The following TACC2 variants were observed in gnomAD, a reference collection of about 807,000 sequenced individuals.
TACC2 encodes transforming acidic coiled-coil-containing protein 2.
In TACC2, 137 loss-of-function variants were observed where a neutral mutation model predicts 227.3. That is an observed-to-expected ratio of 0.60 (90% CI 0.52 to 0.69). The LOEUF (loss-of-function observed/expected upper bound fraction) is 0.69, where lower values mean the gene tolerates loss of function less well. TACC2 is among the 30% of genes least tolerant of loss of function. The pLI, the probability that TACC2 is intolerant of heterozygous loss-of-function variation, is 0.00. For missense variants in TACC2, 3,470 were observed against 3,694.4 expected (o/e 0.94, Z 1.57); for synonymous variants, 1,523 against 1,487.5 (o/e 1.02, Z -0.55).
At chr10:121,990,911 C>T (rs1285314986) in intron 1 of TACC2, among the ~76,000 whole-genome samples, 1 of 152,162 alleles carries the variant, frequency 6.6e-6, no homozygotes, top group Non-Finnish European at 1.5e-5. Context: ...CCTCAGCCCC[C>T]TGAGTAGCTG....
chr10:122,050,621 C>T lies in TACC2; in HGVS notation c.146+71C>T. On this transcript the variant is annotated intron_variant, in intron 3 of 22. Transcript: ENST00000369005. This position sits in a 1 kb window ranked among gnomAD's most constrained non-coding sequence, Gnocchi z 4.6. ...CGCTCATTGCCTGCTCCAGCATTAG[C>T]TTTGCCCCATTTGCTTTGGAAACTG... 4 of 1,275,016 alleles carry T rather than the reference C, an allele frequency of 3.1e-6. No individual in the cohort carries two copies. Among genetic ancestry groups the T allele is most frequent in the Non-Finnish European group, 4.5e-6 (4 of 887,734 alleles). 79.0% of individuals were successfully genotyped at this position (1,275,016 alleles called of 1,614,324 possible).
intron 5 of TACC2, among the ~76,000 whole-genome samples, chr10:122,091,068 C>T (rs2080759464): frequency 6.6e-6 from 1 of 152,134 alleles, no homozygotes; most frequent in Admixed American, 6.5e-5. Flanking sequence ...GCTGAAATTG[C>T]ATGACTGATT....
rs80151018 is a variant in TACC2 at position 122,235,620 on chromosome 10, G to A, written c.8128-1775G>A. Among the ~76,000 whole-genome samples, 1,690 of 152,150 alleles carry A rather than the reference G, an allele frequency of 0.011. 109 individuals are homozygous for A. In the East Asian group the frequency reaches 0.2, roughly 18 times the overall value. Reference sequence around the variant, plus strand: ...GTCTTGATCTCTGTGTCATTTTTCAGCTACTTCCTGAGAAGTTCCCCCATG... The same window carrying A: ...GTCTTGATCTCTGTGTCATTTTTCAACTACTTCCTGAGAAGTTCCCCCATG... On this transcript the variant is annotated intron_variant, in intron 16 of 22. Transcript: ENST00000369005.
chr10:122,112,915 C>A (rs937426344), intron 5 of TACC2: 2 of 152,012 alleles, frequency 1.3e-5, no homozygotes, highest in Non-Finnish European at 2.9e-5. Context: ...GCGCGGCGGG[C>A]GCCCTGCGCG....
Position 122,094,419 on chromosome 10 carries a change from C to T in TACC2, c.5573+5828C>T, listed in dbSNP as rs563585936. On this transcript the variant is annotated intron_variant, in intron 5 of 22. Coordinates refer to ENST00000369005, the MANE Select transcript of TACC2 (RefSeq NM_206862.4). ...CGTGCCTCCCAAGTAGCTGAGACTG[C>T]AGGTGCGCGCCACTACACCTAGCTA... 2.6e-5 allele frequency among the ~76,000 whole-genome samples: 4 copies of T among 152,250 alleles called. No homozygotes were observed. In the South Asian group the frequency reaches 8.3e-4, roughly 32 times the overall value.
intron 5 of TACC2, among the ~76,000 whole-genome samples, chr10:122,128,312 G>A (rs1006610955): frequency 1.3e-5 from 2 of 152,196 alleles, no homozygotes; most frequent in African/African-American, 2.4e-5. Flanking sequence ...CATAGTTGCC[G>A]AGGACGGCTG....
At chr10:122,044,986 C>T (rs1474678488) in intron 2 of TACC2, among the ~76,000 whole-genome samples, 1 of 152,088 alleles carries the variant, frequency 6.6e-6, no homozygotes, top group Non-Finnish European at 1.5e-5. Flanking sequence ...CCTGCTGACA[C>T]ACAGGTCCTT....
At chr10:121,995,640 T>C (rs968103231) in intron 1 of TACC2, among the ~76,000 whole-genome samples, 1 of 152,186 alleles carries the variant, frequency 6.6e-6, no homozygotes, top group Non-Finnish European at 1.5e-5. Flanking sequence ...GGCTTGGCAC[T>C]AGCACCCACT....
intron 5 of TACC2, among the ~76,000 whole-genome samples, chr10:122,101,048 G>C (rs2082081380): frequency 6.6e-6 from 1 of 152,194 alleles, no homozygotes; most frequent in Non-Finnish European, 1.5e-5. Context: ...TCTGTAGCCT[G>C]ACAATAATTT....
At chr10:122,114,610 C>T (rs1417365786) in intron 5 of TACC2, among the ~76,000 whole-genome samples, 7 of 152,142 alleles carry the variant, frequency 4.6e-5, no homozygotes, top group Non-Finnish European at 1.0e-4. Flanking sequence ...GGAAGGAAAT[C>T]GGAGCAGCAA....
At chr10:122,040,028 A>T (rs1255895209) in intron 2 of TACC2, among the ~76,000 whole-genome samples, 1 of 151,844 alleles carries the variant, frequency 6.6e-6, no homozygotes, top group African/African-American at 2.4e-5. Flanking sequence ...CCTAGTTGTT[A>T]CCCTTGCTCC....
chr10:122,169,998 G>A (rs541318745), intron 7 of TACC2, among the ~76,000 whole-genome samples: 1 of 152,150 alleles, frequency 6.6e-6, no homozygotes, highest in African/African-American at 2.4e-5. Context: ...TGATTCTCCC[G>A]CCTTGGCCTC....
chr10:122,075,363 T>C (rs1320832159), intron 3 of TACC2, among the ~76,000 whole-genome samples: 2 of 151,998 alleles, frequency 1.3e-5, no homozygotes, highest in African/African-American at 4.8e-5. Flanking sequence ...CCCAGGGAGC[T>C]CGTCACGTGG....
rs868130401 is a variant in TACC2 at position 122,084,168 on chromosome 10, T to C, written c.1668T>C (p.His556=). 1.2e-6 allele frequency: 2 copies of C among 1,613,896 alleles called. No homozygotes were observed. The highest frequency in any genetic ancestry group is 1.6e-4 in the Middle Eastern group (1 of 6,062). The part of the protein sequence containing the change: ...PPGPTDGAKV[H]EDSTSPAVAK... ...GGCCAACGGATGGAGCCAAGGTCCA[T>C]GAAGATTCCACAAGCCCAGCCGTGG... The change falls in exon 4 of 23, where the codon CAT becomes CAC. Residue 556 remains histidine (H), a synonymous_variant. Coordinates refer to ENST00000369005, the MANE Select transcript of TACC2 (RefSeq NM_206862.4).
Position 122,211,471 on chromosome 10 carries a change from C to A in TACC2, c.7046C>A (p.Pro2349His). Residue 2349 changes from proline to histidine, a missense_variant, in exon 9 of 23, where the codon CCT becomes CAT. Coordinates refer to ENST00000369005, the MANE Select transcript of TACC2 (RefSeq NM_206862.4). ...IDKWDDPNFN[P>H]FSSTSKMQES... is the part of the protein sequence containing the mutation. ...AAGTGGGATGACCCCAATTTTAACCCTTTTTCTTCCACCTCAAAAATGCAG... is the reference window on the plus strand; with the variant it reads ...AAGTGGGATGACCCCAATTTTAACCATTTTTCTTCCACCTCAAAAATGCAG... 5.0e-6 allele frequency: 8 copies of A among 1,614,062 alleles called. No individual in the cohort carries two copies. Among genetic ancestry groups the A allele is most frequent in the South Asian group, 1.1e-5 (1 of 91,052 alleles).
intron 5 of TACC2, among the ~76,000 whole-genome samples, chr10:122,089,783 C>T (rs1281378168): frequency 2.0e-5 from 3 of 151,834 alleles, no homozygotes; most frequent in South Asian, 4.1e-4. Context: ...AAAGAATGCA[C>T]GATCACCTGT....
At chr10:122,121,643 G>A (rs901034153) in intron 5 of TACC2, among the ~76,000 whole-genome samples, 1 of 152,202 alleles carries the variant, frequency 6.6e-6, no homozygotes, top group African/African-American at 2.4e-5. Context: ...TAATTGAAAC[G>A]GGCAAATGTG....
intron 7 of TACC2, among the ~76,000 whole-genome samples, chr10:122,161,888 C>T (rs545529757): frequency 6.6e-6 from 1 of 152,330 alleles, no homozygotes; most frequent in African/African-American, 2.4e-5. Context: ...GGGCCCTCAC[C>T]TGCATATGGA....
intron 22 of TACC2, among the ~76,000 whole-genome samples, chr10:122,252,772 C>A (rs553827973): frequency 1.3e-5 from 2 of 152,174 alleles, no homozygotes; most frequent in South Asian, 4.2e-4. Context: ...GGATTGCAGG[C>A]GTGAGCCACC....
Sources: allele counts gnomAD v4.1 joint callset (sites outside exome capture counted in the v4.1 genomes callset), GRCh38; gene constraint gnomAD v4.1.1; non-coding constraint Gnocchi (gnomAD v3.1); transcripts MANE v1.5; gene names NCBI Gene and HGNC (gene_info 2026-07-23, HGNC 2026-07-21).